Variants in DPP10 observed in about 807,000 individuals in gnomAD.
The protein encoded by DPP10 is dipeptidyl peptidase like 10.
A neutral mutation model predicts 120.9 loss-of-function variants in DPP10; 33 were observed. The ratio of observed to expected loss-of-function variants is 0.27; its 90% CI spans 0.21 to 0.37. The LOEUF (loss-of-function observed/expected upper bound fraction) is 0.37, where lower values mean the gene tolerates loss of function less well. DPP10 is among the 10% of genes least tolerant of loss of function. The pLI is 1.00. For synonymous variants in DPP10, 337 were observed against 326.1 expected, an observed-to-expected ratio of 1.03 and a Z score of -0.36; for missense variants, 816 against 942.8, an observed-to-expected ratio of 0.87 and a Z score of 1.76.
At position 114,492,423 on chromosome 2, in the gene DPP10, A is replaced by G. The variant is rs558426679; in HGVS notation, c.60+49585A>G. On this transcript the variant is annotated intron_variant, in intron 1 of 25. Coordinates refer to ENST00000410059, the MANE Select transcript of DPP10 (RefSeq NM_020868.6). ...TTTCTTTTGATTGAATAATAGTAAC[A>G]GCAACGGTAGGAACACACATATGTG... 4.6e-5 allele frequency among the ~76,000 whole-genome samples: 7 copies of G among 152,328 alleles called. No homozygotes were observed. The East Asian group carries it at 1.4e-3, about 29-fold the overall frequency.
At chr2:114,728,292 C>G (rs1676546735) in intron 1 of DPP10, among the ~76,000 whole-genome samples, 1 of 152,066 alleles carries the variant, frequency 6.6e-6, no homozygotes, top group Non-Finnish European at 1.5e-5. Flanking sequence ...GTCAAGATGC[C>G]CTGCTTATTC....
chr2:115,617,270 T>TA (rs1558931376), intron 5 of DPP10, among the ~76,000 whole-genome samples: 7 of 1,440 alleles, frequency 4.9e-3, no homozygotes, highest in African/African-American at 6.1e-3. Flanking sequence ...TATATATATT[T>TA]TTTATATATA....
At chr2:115,480,751 A>G in intron 3 of DPP10, among the ~76,000 whole-genome samples, 1 of 152,148 alleles carries the variant, frequency 6.6e-6, no homozygotes, top group Non-Finnish European at 1.5e-5. Flanking sequence ...AAGCAGAAAC[A>G]TAATGTTCAG....
chr2:115,252,848 C>G (rs548832549), intron 1 of DPP10, among the ~76,000 whole-genome samples: 13 of 152,322 alleles, frequency 8.5e-5, no homozygotes, highest in African/African-American at 3.1e-4. Context: ...TTCTAACCCT[C>G]TAGCTATAAG....
At chr2:114,822,082 C>A (rs1266344032) in intron 1 of DPP10, among the ~76,000 whole-genome samples, 1 of 152,200 alleles carries the variant, frequency 6.6e-6, no homozygotes, top group East Asian at 1.9e-4. Flanking sequence ...AGGGCTCCCA[C>A]CACCCATTTT....
intron 2 of DPP10, among the ~76,000 whole-genome samples, chr2:115,321,755 A>G (rs895837556): frequency 2.0e-5 from 3 of 151,652 alleles, no homozygotes; most frequent in African/African-American, 7.3e-5. Flanking sequence ...CAGTAATTTT[A>G]ATTGATCTAT....
Position 114,845,799 on chromosome 2 carries a change from C to T in DPP10, c.60+402961C>T, listed in dbSNP as rs576333733. 7.9e-5 allele frequency among the ~76,000 whole-genome samples: 12 copies of T among 152,180 alleles called. 1 individual carries two copies. In the South Asian group the frequency reaches 1.9e-3, roughly 24 times the overall value. ...GATACTTTCTCAGGAAACATGTTTCCTTTCTTGTTTCTCACTCTCTCTTGT... is the reference window on the plus strand; with the variant it reads ...GATACTTTCTCAGGAAACATGTTTCTTTTCTTGTTTCTCACTCTCTCTTGT... On this transcript the variant is annotated intron_variant, in intron 1 of 25. Transcript: ENST00000410059.
At chr2:115,216,853 A>G (rs190845404) in intron 1 of DPP10, among the ~76,000 whole-genome samples, 2 of 152,148 alleles carry the variant, frequency 1.3e-5, no homozygotes, top group East Asian at 3.9e-4. Flanking sequence ...AGACAAATAT[A>G]TGTGTATTTG....
At chr2:115,454,503 C>T (rs1252259261) in intron 3 of DPP10, among the ~76,000 whole-genome samples, 3 of 151,358 alleles carry the variant, frequency 2.0e-5, no homozygotes, top group Non-Finnish European at 4.4e-5. Context: ...ACTCAATATA[C>T]AGAAAAAAAT....
At chr2:115,756,158 CA>C (rs1216870681) in intron 11 of DPP10, among the ~76,000 whole-genome samples, 41 of 151,932 alleles carry the variant, frequency 2.7e-4, no homozygotes, top group African/African-American at 9.7e-4. Context: ...TAGAGAGTAG[CA>C]TTGTGCTTAT....
intron 1 of DPP10, among the ~76,000 whole-genome samples, chr2:114,911,804 G>T (rs1694388164): frequency 6.6e-6 from 1 of 152,188 alleles, no homozygotes; most frequent in Non-Finnish European, 1.5e-5. Flanking sequence ...TTGTTAAGCA[G>T]ATGAGTGAGT....
intron 3 of DPP10, among the ~76,000 whole-genome samples, chr2:115,446,477 A>G (rs1037972781): frequency 1.3e-5 from 2 of 152,138 alleles, no homozygotes; most frequent in Admixed American, 6.5e-5. Context: ...ACAGTCAAAG[A>G]CACTTTTATT....
intron 1 of DPP10, among the ~76,000 whole-genome samples, chr2:114,703,555 G>A (rs1700510374): frequency 6.6e-6 from 1 of 152,114 alleles, no homozygotes; most frequent in Non-Finnish European, 1.5e-5. Flanking sequence ...TCAGAAAATT[G>A]TTAGCTATCC....
At chr2:114,764,934 T>A (rs1214222870) in intron 1 of DPP10, among the ~76,000 whole-genome samples, 2 of 152,124 alleles carry the variant, frequency 1.3e-5, no homozygotes, top group Non-Finnish European at 2.9e-5. Flanking sequence ...CCTTGAGGGG[T>A]TAGGCTATTG....
chr2:114,715,243 T>C (rs1168466343), intron 1 of DPP10, among the ~76,000 whole-genome samples: 1 of 152,210 alleles, frequency 6.6e-6, no homozygotes, highest in African/African-American at 2.4e-5. Flanking sequence ...TGTCCTCTAG[T>C]GGAAAATTCT....
intron 3 of DPP10, among the ~76,000 whole-genome samples, chr2:115,462,397 A>G (rs1206349940): frequency 6.6e-6 from 1 of 152,140 alleles, no homozygotes; most frequent in African/African-American, 2.4e-5. Context: ...GGTGATCACT[A>G]CAGTGTCAAA....
intron 1 of DPP10, among the ~76,000 whole-genome samples, chr2:114,617,286 A>G (rs1210466680): frequency 6.6e-6 from 1 of 152,100 alleles, no homozygotes; most frequent in African/African-American, 2.4e-5. Context: ...GTTAGGCTTA[A>G]TATACTTAAT....
chr2:115,277,326 A>G (rs2059959455), intron 1 of DPP10, among the ~76,000 whole-genome samples: 1 of 152,090 alleles, frequency 6.6e-6, no homozygotes, highest in Non-Finnish European at 1.5e-5. Flanking sequence ...GAATAACCTT[A>G]TAAAATTTCC....
At chr2:115,680,965 C>A (rs1373846455) in intron 5 of DPP10, among the ~76,000 whole-genome samples, 4 of 151,872 alleles carry the variant, frequency 2.6e-5, no homozygotes, top group African/African-American at 7.2e-5. Flanking sequence ...CAAGCTCAAT[C>A]ATAAACTACA....
Sources: gnomAD v4.1 joint callset for allele counts (sites outside exome capture counted in the v4.1 genomes callset) on GRCh38, gnomAD v4.1.1 for gene constraint, MANE v1.5 for transcripts, NCBI Gene and HGNC (gene_info 2026-07-23, HGNC 2026-07-21) for gene names.